CSMD1: variants seen among roughly 807,000 people sequenced by gnomAD.
The protein encoded by CSMD1 is CUB and sushi domain-containing protein 1.
A neutral mutation model predicts 417.5 loss-of-function variants in CSMD1; 213 were observed. That is an observed-to-expected ratio of 0.51 (90% CI 0.46 to 0.57). The LOEUF is 0.57. Among genes scored for constraint, CSMD1 ranks in the 20% least tolerant of loss-of-function variants. The pLI is 0.00. For synonymous variants in CSMD1, 2,862 were observed against 1,736.8 expected (o/e 1.65, Z -16.11); for missense variants, 6,923 against 4,529.7 (o/e 1.53, Z -15.17).
chr8:4,684,622 G>C (rs893330454), intron 1 of CSMD1, among the ~76,000 whole-genome samples: 8 of 152,130 alleles, frequency 5.3e-5, no homozygotes, highest in Non-Finnish European at 1.0e-4. Context: ...TGAAAATTAG[G>C]AATGATATTA....
At chr8:4,922,226 T>A (rs992022541) in intron 1 of CSMD1, among the ~76,000 whole-genome samples, 1 of 152,160 alleles carries the variant, frequency 6.6e-6, no homozygotes, top group South Asian at 2.1e-4. Context: ...GTTTTTTTAA[T>A]GTACCTTCAG....
intron 5 of CSMD1, among the ~76,000 whole-genome samples, chr8:3,933,856 T>A (rs915343674): frequency 1.3e-5 from 2 of 152,208 alleles, no homozygotes; most frequent in African/African-American, 4.8e-5. Context: ...TGCTCTGAAC[T>A]ATTTTTTTCA....
intron 1 of CSMD1, among the ~76,000 whole-genome samples, chr8:4,718,995 T>G (rs2116899173): frequency 6.6e-6 from 1 of 152,160 alleles, no homozygotes; most frequent in Non-Finnish European, 1.5e-5. Context: ...TGAAGATATG[T>G]AGGTATGAGA....
chr8:4,427,519 A>G (rs60714191), intron 2 of CSMD1, among the ~76,000 whole-genome samples: 25,587 of 152,008 alleles, frequency 0.17, 2,259 homozygotes, highest in South Asian at 0.28. Flanking sequence ...ACACATGCAC[A>G]CTCAAACACA....
At chr8:3,876,555 T>G (rs1805836263) in intron 5 of CSMD1, among the ~76,000 whole-genome samples, 1 of 152,204 alleles carries the variant, frequency 6.6e-6, no homozygotes, top group African/African-American at 2.4e-5. Flanking sequence ...CCTAAAAAAT[T>G]ATTAATTCTA....
At chr8:4,701,393 G>C (rs1247325382) in intron 1 of CSMD1, among the ~76,000 whole-genome samples, 1 of 151,484 alleles carries the variant, frequency 6.6e-6, no homozygotes, top group East Asian at 1.9e-4. Context: ...AGAGCACCCA[G>C]GATGCGTTCC....
intron 5 of CSMD1, among the ~76,000 whole-genome samples, chr8:3,914,754 C>G (rs968775651): frequency 6.6e-6 from 1 of 151,620 alleles, no homozygotes; most frequent in Non-Finnish European, 1.5e-5. Context: ...ATGTATCTGT[C>G]TTTGCTCATT....
chr8:4,614,782 T>C (rs1271221606), intron 2 of CSMD1, among the ~76,000 whole-genome samples: 1 of 152,118 alleles, frequency 6.6e-6, no homozygotes, highest in Non-Finnish European at 1.5e-5. Flanking sequence ...CTACAATATG[T>C]CTGTAGAATT....
chr8:3,201,929 T>C (rs1366059619), intron 31 of CSMD1, among the ~76,000 whole-genome samples: 1 of 152,118 alleles, frequency 6.6e-6, no homozygotes, highest in Non-Finnish European at 1.5e-5. Flanking sequence ...ACTTTTGGCA[T>C]TTAATAAAAG....
At chr8:4,479,888 C>T (rs1800994737) in intron 2 of CSMD1, among the ~76,000 whole-genome samples, 1 of 151,500 alleles carries the variant, frequency 6.6e-6, no homozygotes, top group African/African-American at 2.4e-5. Flanking sequence ...ATTGCTTGAA[C>T]CTGGGAGGCA....
intron 49 of CSMD1, among the ~76,000 whole-genome samples, chr8:3,086,057 C>T (rs536639956): frequency 6.6e-6 from 1 of 152,214 alleles, no homozygotes; most frequent in South Asian, 2.1e-4. Flanking sequence ...GGGCACAGAC[C>T]ATGGCGTGTT....
chr8:3,920,936 T>C (rs1246397340), intron 5 of CSMD1, among the ~76,000 whole-genome samples: 1 of 152,166 alleles, frequency 6.6e-6, no homozygotes, highest in East Asian at 1.9e-4. Context: ...TACATTTCTT[T>C]TATTGTAATG....
intron 3 of CSMD1, among the ~76,000 whole-genome samples, chr8:4,184,792 C>T (rs1012377840): frequency 6.6e-6 from 1 of 151,678 alleles, no homozygotes; most frequent in African/African-American, 2.4e-5. Flanking sequence ...CAACCTGTGA[C>T]ACAGGTTTAC....
intron 5 of CSMD1, among the ~76,000 whole-genome samples, chr8:3,985,458 C>T (rs1351951249): frequency 6.6e-6 from 1 of 152,162 alleles, no homozygotes; most frequent in African/African-American, 2.4e-5. Context: ...CGTGCACACT[C>T]ACACATTTTA....
intron 5 of CSMD1, 124 bp from the exon 6 acceptor site, chr8:3,754,166 A>C: frequency 1.8e-6 from 1 of 566,470 alleles, no homozygotes; most frequent in Non-Finnish European, 3.2e-6. Flanking sequence ...AACAGAGGCC[A>C]TGTATTAATT....
chr8:4,516,056 A>G (rs1339923320), intron 2 of CSMD1, among the ~76,000 whole-genome samples: 3 of 152,166 alleles, frequency 2.0e-5, no homozygotes, highest in Non-Finnish European at 4.4e-5. Flanking sequence ...CAAAACTGCT[A>G]TGTTGAAATC....
intron 4 of CSMD1, among the ~76,000 whole-genome samples, chr8:4,014,464 A>T (rs1402002668): frequency 6.6e-6 from 1 of 152,174 alleles, no homozygotes; most frequent in Non-Finnish European, 1.5e-5. Flanking sequence ...AGCCTCTAAG[A>T]AGCTTTTTAG....
chr8:4,734,185 T>C (rs1810076849), intron 1 of CSMD1, among the ~76,000 whole-genome samples: 1 of 152,158 alleles, frequency 6.6e-6, no homozygotes, highest in Non-Finnish European at 1.5e-5. Flanking sequence ...GACATTTAAA[T>C]ATGTTTACCT....
chr8:4,689,976 C>T (rs1296374171), intron 1 of CSMD1, among the ~76,000 whole-genome samples: 1 of 152,004 alleles, frequency 6.6e-6, no homozygotes, highest in East Asian at 1.9e-4. Context: ...CTGCCGTAAG[C>T]GTAGTGCTAA....
Sources: allele counts gnomAD v4.1 joint callset (sites outside exome capture counted in the v4.1 genomes callset), GRCh38; gene constraint gnomAD v4.1.1; transcripts MANE v1.5; gene names NCBI Gene and HGNC (gene_info 2026-07-23, HGNC 2026-07-21).